The following SEMA6D variants were observed in gnomAD, a reference collection of about 807,000 sequenced individuals.
The protein encoded by SEMA6D is semaphorin 6D, also known as semaphorin-6D.
Under a neutral mutation model 106.6 loss-of-function variants are expected in SEMA6D, and 35 were observed. The observed-to-expected ratio is 0.33, with a 90% CI of 0.25 to 0.44. The LOEUF (loss-of-function observed/expected upper bound fraction) is 0.44. Among genes scored for constraint, SEMA6D ranks in the 20% least tolerant of loss-of-function variants. The pLI, the probability that SEMA6D is intolerant of heterozygous loss-of-function variation, is 1.00. For synonymous variants in SEMA6D, 499 were observed against 487.7 expected, an observed-to-expected ratio of 1.02 and a Z score of -0.31; for missense variants, 1,185 against 1,345.9, an observed-to-expected ratio of 0.88 and a Z score of 1.87.
At chr15:47,186,067 G>C (rs993153257) in intron 1 of SEMA6D, among the ~76,000 whole-genome samples, 2 of 151,942 alleles carry the variant, frequency 1.3e-5, no homozygotes, top group African/African-American at 2.4e-5. Flanking sequence ...ATGTATGTAT[G>C]TGTGCATGTA....
chr15:47,763,036 A>G lies in SEMA6D; in HGVS notation c.679A>G (p.Ile227Val), dbSNP rs2082147176. The G allele has an allele frequency of 6.2e-7, 1 of 1,611,788 alleles. No individual in the cohort carries two copies. The highest frequency in any genetic ancestry group is 8.5e-7 in the Non-Finnish European group (1 of 1,179,018). Residue 227 changes from isoleucine (I) to valine (V), a missense_variant, in exon 9 of 19, where the codon ATA becomes GTA. By Grantham distance (29) the Ile-to-Val change is conservative (BLOSUM62 3). Around this residue, in one of 3 missense-constraint regions of SEMA6D, gnomAD observed 291 missense variants for 423.8 expected, o/e 0.69. Transcript: ENST00000536845. ...WIKEPHFLHA[I>V]EYGNYVYFFF... The stretch of plus-strand genomic sequence containing the variant: ...TTCAGAGCCACACTTTCTTCATGCC[A>G]TAGAATATGGAAACTATGTCTATTT...
At chr15:47,194,833 T>A (rs1894224353) in intron 1 of SEMA6D, among the ~76,000 whole-genome samples, 1 of 152,216 alleles carries the variant, frequency 6.6e-6, no homozygotes, top group Non-Finnish European at 1.5e-5. Flanking sequence ...GATGTTTTCA[T>A]GTACTGCTTT....
intron 2 of SEMA6D, among the ~76,000 whole-genome samples, chr15:47,464,369 A>G (rs2042598862): frequency 1.3e-5 from 2 of 152,156 alleles, no homozygotes; most frequent in East Asian, 1.9e-4. Flanking sequence ...CACCCCCACC[A>G]TAGAGGTGTC....
At chr15:47,273,035 T>C (rs1369083999) in intron 1 of SEMA6D, 2 of 152,226 alleles carry the variant, frequency 1.3e-5, no homozygotes, top group Non-Finnish European at 2.9e-5. Context: ...TCCTAGGACA[T>C]GACCTTCTTT....
chr15:47,723,175 G>T (rs892321216), intron 1 of SEMA6D, among the ~76,000 whole-genome samples: 9 of 152,172 alleles, frequency 5.9e-5, no homozygotes, highest in African/African-American at 2.2e-4. Context: ...CACGGTGGAT[G>T]TGCTCTTAAA....
chr15:47,207,997 A>G (rs879629188), intron 1 of SEMA6D, among the ~76,000 whole-genome samples: 382 of 16,298 alleles, frequency 0.023, 5 homozygotes, highest in East Asian at 0.12. Flanking sequence ...GCGCGCGCAC[A>G]CACACACACA....
chr15:47,213,127 A>T (rs1482077189), intron 1 of SEMA6D, among the ~76,000 whole-genome samples: 1 of 152,090 alleles, frequency 6.6e-6, no homozygotes. Context: ...TTTAAATTCA[A>T]CTTAAACAGA....
At chr15:47,678,357 G>A (rs2078286067) in intron 4 of SEMA6D, among the ~76,000 whole-genome samples, 1 of 152,106 alleles carries the variant, frequency 6.6e-6, no homozygotes, top group Non-Finnish European at 1.5e-5. Context: ...GTCATTGAGA[G>A]TCAAAAAATG....
intron 3 of SEMA6D, among the ~76,000 whole-genome samples, chr15:47,565,607 G>T (rs753677694): frequency 6.6e-6 from 1 of 152,186 alleles, no homozygotes; most frequent in South Asian, 2.1e-4. Flanking sequence ...AATCTGGGAG[G>T]CATCGAACCA....
chr15:47,669,157 C>T (rs1237525290), intron 4 of SEMA6D, among the ~76,000 whole-genome samples: 1 of 152,106 alleles, frequency 6.6e-6, no homozygotes, highest in Admixed American at 6.5e-5. Flanking sequence ...AGTAGCTCCT[C>T]AGAACAAGGA....
intron 1 of SEMA6D, among the ~76,000 whole-genome samples, chr15:47,324,196 A>G (rs999192472): frequency 2.6e-5 from 4 of 152,316 alleles, no homozygotes; most frequent in African/African-American, 9.6e-5. Context: ...ATCAATATAT[A>G]ACACAAGTTC....
At chr15:47,442,810 T>C (rs1339853560) in intron 2 of SEMA6D, among the ~76,000 whole-genome samples, 1 of 152,132 alleles carries the variant, frequency 6.6e-6, no homozygotes, top group African/African-American at 2.4e-5. Context: ...TGTTGATTCT[T>C]TGTATAGAAA....
chr15:47,359,309 A>G (rs1389698986), intron 1 of SEMA6D: 1 of 152,190 alleles, frequency 6.6e-6, no homozygotes, highest in East Asian at 1.9e-4. Context: ...TTGGTCTTAA[A>G]TAATTAATTT....
chr15:47,760,468 C>T, intron 3 of SEMA6D, 53 bp downstream of exon 3: 1 of 1,382,414 alleles, frequency 7.2e-7, no homozygotes, highest in Non-Finnish European at 1.0e-6. Flanking sequence ...TCTTGTGGTG[C>T]TTGCATTAGT....
chr15:47,383,955 A>G (rs1231673963), intron 1 of SEMA6D, among the ~76,000 whole-genome samples: 1 of 152,214 alleles, frequency 6.6e-6, no homozygotes, highest in Non-Finnish European at 1.5e-5. Flanking sequence ...ATGCACATAT[A>G]TACAGATTCA....
At chr15:47,622,585 CCATTTGGG>C (rs1194779517) in intron 4 of SEMA6D, among the ~76,000 whole-genome samples, 1 of 152,102 alleles carries the variant, frequency 6.6e-6, no homozygotes, top group African/African-American at 2.4e-5. Context: ...CCCAAAACCA[CCATTTGGG>C]TATGAGCAAG....
intron 1 of SEMA6D, among the ~76,000 whole-genome samples, chr15:47,739,077 C>T (rs1226386748): frequency 1.3e-5 from 2 of 152,166 alleles, no homozygotes; most frequent in East Asian, 3.9e-4. Flanking sequence ...TGTATTAAGT[C>T]CTGGGCTCCA....
intron 1 of SEMA6D, among the ~76,000 whole-genome samples, chr15:47,265,744 C>T (rs1051417104): frequency 3.3e-5 from 5 of 151,754 alleles, no homozygotes; most frequent in Admixed American, 1.3e-4. Context: ...TTTGGGGTAC[C>T]GATTTCCCCC....
intron 1 of SEMA6D, among the ~76,000 whole-genome samples, chr15:47,283,593 C>G (rs2035228886): frequency 6.6e-6 from 1 of 152,164 alleles, no homozygotes; most frequent in Admixed American, 6.6e-5. Flanking sequence ...GACTTTTCGA[C>G]TTCAGAAAGA....
Sources: allele counts gnomAD v4.1 joint callset (sites outside exome capture counted in the v4.1 genomes callset), GRCh38; gene constraint gnomAD v4.1.1; regional missense constraint gnomAD v4.1.1; transcripts MANE v1.5; gene names NCBI Gene and HGNC (gene_info 2026-07-23, HGNC 2026-07-21).